Variants in ZNF804A observed in about 807,000 individuals in gnomAD.
ZNF804A encodes the protein zinc finger protein 804A.
A neutral mutation model predicts 16.5 loss-of-function variants in ZNF804A; 2 were observed. That is an observed-to-expected ratio of 0.12 (90% CI 0.05 to 0.38). The LOEUF is 0.38. Ranked by LOEUF, ZNF804A falls within the 10% of genes least tolerant of loss-of-function variation. The pLI is 0.99. For missense variants in ZNF804A, 1,473 were observed against 1,390.7 expected (o/e 1.06, Z -0.94); for synonymous variants, 534 against 489.6 (o/e 1.09, Z -1.20).
At chr2:184,619,775 A>G (rs1191795825) in intron 1 of ZNF804A, among the ~76,000 whole-genome samples, 9 of 151,938 alleles carry the variant, frequency 5.9e-5, no homozygotes, top group Non-Finnish European at 1.0e-4. Flanking sequence ...ATCGTTATTT[A>G]TAACAATTCT....
At chr2:184,916,216 A>G (rs893961834) in intron 2 of ZNF804A, among the ~76,000 whole-genome samples, 2 of 152,218 alleles carry the variant, frequency 1.3e-5, no homozygotes, top group African/African-American at 4.8e-5. Context: ...AAACAGTAAT[A>G]GTGGATAATA....
intron 1 of ZNF804A, among the ~76,000 whole-genome samples, chr2:184,756,961 C>G (rs1012077718): frequency 6.6e-6 from 1 of 152,008 alleles, no homozygotes; most frequent in Non-Finnish European, 1.5e-5. Context: ...TTCCATCTTT[C>G]TAAACAGTTA....
At chr2:184,903,310 C>T (rs534160241) in intron 2 of ZNF804A, among the ~76,000 whole-genome samples, 1 of 152,124 alleles carries the variant, frequency 6.6e-6, no homozygotes, top group African/African-American at 2.4e-5. Context: ...AGCAATGACC[C>T]CATAAGGTTA....
intron 2 of ZNF804A, among the ~76,000 whole-genome samples, chr2:184,906,382 G>A (rs968946966): frequency 6.6e-5 from 10 of 152,098 alleles, no homozygotes; most frequent in East Asian, 3.9e-4. Flanking sequence ...CACAGTACCC[G>A]CAACCTTCCA....
chr2:184,727,700 G>A (rs928929733), intron 1 of ZNF804A, among the ~76,000 whole-genome samples: 1 of 151,518 alleles, frequency 6.6e-6, no homozygotes, highest in African/African-American at 2.4e-5. Flanking sequence ...CAAAAGTATT[G>A]CATGCAATGC....
chr2:184,912,027 AT>A (rs2105832387), intron 2 of ZNF804A, among the ~76,000 whole-genome samples: 1 of 152,106 alleles, frequency 6.6e-6, no homozygotes, highest in South Asian at 2.1e-4. Flanking sequence ...TCACCAAAAA[AT>A]TCACCATAAT....
chr2:184,790,200 C>T (rs1026718252), intron 1 of ZNF804A, among the ~76,000 whole-genome samples: 3 of 151,446 alleles, frequency 2.0e-5, no homozygotes, highest in Admixed American at 6.6e-5. Flanking sequence ...CTTGGTACAA[C>T]TTCATGTTTT....
chr2:184,799,245 A>G (rs1694685018), intron 1 of ZNF804A, among the ~76,000 whole-genome samples: 1 of 151,760 alleles, frequency 6.6e-6, no homozygotes, highest in African/African-American at 2.4e-5. Flanking sequence ...TGTCTGTCCC[A>G]GTCAGAGCTG....
At chr2:184,696,331 A>G (rs1692830669) in intron 1 of ZNF804A, among the ~76,000 whole-genome samples, 4 of 152,220 alleles carry the variant, frequency 2.6e-5, no homozygotes. Flanking sequence ...ATCAAATCCA[A>G]GTTAGGATTG....
At chr2:184,754,135 G>A (rs1342475162) in intron 1 of ZNF804A, among the ~76,000 whole-genome samples, 1 of 151,654 alleles carries the variant, frequency 6.6e-6, no homozygotes, top group African/African-American at 2.4e-5. Flanking sequence ...AATGTCCCCA[G>A]GCTCATGTTC....
chr2:184,816,208 G>T (rs1694980247), intron 1 of ZNF804A, among the ~76,000 whole-genome samples: 2 of 152,030 alleles, frequency 1.3e-5, no homozygotes, highest in African/African-American at 4.8e-5. Context: ...GATGGATTCA[G>T]CAAGCCACTA....
chr2:184,714,952 A>G (rs1693190399), intron 1 of ZNF804A, among the ~76,000 whole-genome samples: 1 of 152,180 alleles, frequency 6.6e-6, no homozygotes, highest in Non-Finnish European at 1.5e-5. Flanking sequence ...GAAGAAGTAA[A>G]TATTGAAGGA....
At chr2:184,613,040 T>G (rs1294306572) in intron 1 of ZNF804A, among the ~76,000 whole-genome samples, 1 of 152,166 alleles carries the variant, frequency 6.6e-6, no homozygotes, top group African/African-American at 2.4e-5. Flanking sequence ...ACATATGATG[T>G]TGTATGAACA....
intron 1 of ZNF804A, among the ~76,000 whole-genome samples, chr2:184,769,492 C>T (rs897772748): frequency 3.9e-5 from 6 of 151,964 alleles, no homozygotes; most frequent in East Asian, 1.9e-4. Flanking sequence ...CATGTTGAAG[C>T]GTTGAATAGT....
intron 1 of ZNF804A, among the ~76,000 whole-genome samples, chr2:184,718,853 A>G (rs377608087): frequency 2.0e-5 from 3 of 152,020 alleles, no homozygotes; most frequent in African/African-American, 7.2e-5. Flanking sequence ...TGGTGGACCT[A>G]CCATTCTGGG....
Position 184,805,589 on chromosome 2 carries a change from A to C in ZNF804A, c.112-60780A>C, listed in dbSNP as rs1406537290. Among the ~76,000 whole-genome samples, 8 of 152,180 alleles carry C rather than the reference A, an allele frequency of 5.3e-5. No individual in the cohort carries two copies. The East Asian group carries it at 1.3e-3, about 26-fold the overall frequency. ...AAAGTAAGGAGATCTTAGGGGGAAAAAACAGTCACTTTATTTTTGTGGTCA... is the reference window on the plus strand; with the variant it reads ...AAAGTAAGGAGATCTTAGGGGGAAACAACAGTCACTTTATTTTTGTGGTCA... On this transcript the variant is annotated intron_variant, in intron 1 of 3. Coordinates refer to ENST00000302277, the MANE Select transcript of ZNF804A (RefSeq NM_194250.2).
At chr2:184,714,014 G>T (rs1007681319) in intron 1 of ZNF804A, among the ~76,000 whole-genome samples, 2 of 151,860 alleles carry the variant, frequency 1.3e-5, no homozygotes, top group African/African-American at 2.4e-5. Flanking sequence ...AAAAACACCG[G>T]TACAGAGAAT....
chr2:184,898,371 T>C (rs1405165548), intron 2 of ZNF804A, among the ~76,000 whole-genome samples: 1 of 151,238 alleles, frequency 6.6e-6, no homozygotes, highest in East Asian at 1.9e-4. Flanking sequence ...TCCAGTTCAA[T>C]AGCTCTTTAC....
intron 1 of ZNF804A, among the ~76,000 whole-genome samples, chr2:184,833,190 A>G (rs1357572724): frequency 6.6e-6 from 1 of 151,996 alleles, no homozygotes. Context: ...TTCCCATGCT[A>G]TATTGTATTG....
Sources: gnomAD v4.1 joint callset for allele counts (sites outside exome capture counted in the v4.1 genomes callset) on GRCh38, gnomAD v4.1.1 for gene constraint, MANE v1.5 for transcripts, NCBI Gene and HGNC (gene_info 2026-07-23, HGNC 2026-07-21) for gene names.